The following MRE11 variants were observed in gnomAD, a reference collection of about 807,000 sequenced individuals.
MRE11 encodes double-strand break repair protein MRE11.
A neutral mutation model predicts 91.7 loss-of-function variants in MRE11; 62 were observed. That is an observed-to-expected ratio of 0.68 (90% CI 0.55 to 0.84). The LOEUF is 0.84. Among genes scored for constraint, MRE11 ranks in the 40% least tolerant of loss-of-function variants. The pLI is 0.00. For missense variants in MRE11, 796 were observed against 852.9 expected, an observed-to-expected ratio of 0.93 and a Z score of 0.83; for synonymous variants, 273 against 271.4, an observed-to-expected ratio of 1.01 and a Z score of -0.06.
In MRE11 at chr11:94,415,773, C is replaced by G. The variant is rs1398966327; in HGVS notation, c.*4352G>C. 6.6e-6 allele frequency: 1 copy of G among 152,144 alleles called. No individual in the cohort carries two copies. Among genetic ancestry groups the G allele is most frequent in the Non-Finnish European group, 1.5e-5 (1 of 68,022 alleles). The allele number at this position is 152,144 out of a possible 1,614,324, so 9.4% of individuals were successfully genotyped here. A position where few individuals can be genotyped will look rare whatever the true frequency, so the allele number is the denominator to read the frequency against. ...GAGAACATATACTTTGAAAAGGGGG[C>G]TAAAACATGTAGCTATACAATCTGG... On this transcript the variant is annotated 3_prime_UTR_variant, in exon 20 of 20. Transcript: ENST00000323929.
intron 10 of MRE11, chr11:94,466,670 T>C (rs745522590): frequency 3.6e-6 from 1 of 280,154 alleles, no homozygotes; most frequent in African/African-American, 2.3e-5. Flanking sequence ...CTCTACACTG[T>C]ACTCTTTACC....
In MRE11 at chr11:94,492,822, C is replaced by T; in HGVS notation, c.-21G>A. ...CTCATTTTTATGGTCAGTCAAGCTC[C>T]TCTGGGACCAGGTTCTTCTCCAAGA... is the stretch of plus-strand genomic sequence containing the variant. On this transcript the variant is annotated 5_prime_UTR_variant, in exon 2 of 20. Transcript: ENST00000323929. The T allele has an allele frequency of 6.2e-7, 1 of 1,612,648 alleles. No individual in the cohort carries two copies. Among genetic ancestry groups the T allele is most frequent in the Non-Finnish European group, 8.5e-7 (1 of 1,179,326 alleles).
chr11:94,479,341 C>A (rs1260165774), intron 5 of MRE11, among the ~76,000 whole-genome samples: 1 of 152,090 alleles, frequency 6.6e-6, no homozygotes, highest in African/African-American at 2.4e-5. Context: ...CTTGAACAAT[C>A]ATTTCCTAAA....
At chr11:94,429,656 G>C (rs1236347870) in intron 19 of MRE11, among the ~76,000 whole-genome samples, 2 of 152,176 alleles carry the variant, frequency 1.3e-5, no homozygotes, top group South Asian at 4.1e-4. Flanking sequence ...AGACACTGTG[G>C]ACTACTAGAG....
rs541549187 is a variant in MRE11, at chr11:94,418,985, G to A, written c.*1140C>T. On this transcript the variant is annotated 3_prime_UTR_variant, in exon 20 of 20. Transcript: ENST00000323929. ...TTGTTTCTACCTATGAAGAAATGTC[G>A]GGCCATTGTACTCCCAAGATGTATA... 1.3e-4 allele frequency: 30 copies of A among 230,968 alleles called. No individual in the cohort carries two copies. Among genetic ancestry groups the A allele is most frequent in the African/African-American group, 4.4e-4 (20 of 45,286 alleles). The allele number at this position is 230,968 out of a possible 1,614,324, so 14.3% of individuals were successfully genotyped here.
At chr11:94,460,141 T>A (rs913004528) in intron 12 of MRE11, among the ~76,000 whole-genome samples, 1 of 152,126 alleles carries the variant, frequency 6.6e-6, no homozygotes, top group Admixed American at 6.5e-5. Flanking sequence ...AGTAGGCACC[T>A]CTAGAAGCTG....
intron 7 of MRE11, 146 bp from the exon 8 acceptor site, chr11:94,471,905 T>G: frequency 1.4e-6 from 1 of 694,080 alleles, no homozygotes; most frequent in South Asian, 1.9e-5. Flanking sequence ...ATTGGGAATG[T>G]AAAGATCATC....
chr11:94,437,022 T>C (rs548865474), intron 17 of MRE11, among the ~76,000 whole-genome samples, 155 bp downstream of exon 17: 1 of 152,128 alleles, frequency 6.6e-6, no homozygotes, highest in African/African-American at 2.4e-5. Flanking sequence ...AAAAATCAAA[T>C]CCTAGAAGCC....
At chr11:94,430,709 TC>T (rs1217247302) in intron 18 of MRE11, among the ~76,000 whole-genome samples, 2 of 152,074 alleles carry the variant, frequency 1.3e-5, no homozygotes, top group African/African-American at 2.4e-5. Context: ...GACCTCGTGA[TC>T]CGCCCACCTC....
chr11:94,460,992 C>A lies in MRE11; in HGVS notation c.1270G>T (p.Gly424Ter). The part of the protein sequence containing the change: ...FGKLITKPSE[G>*]TTLRVEDLVK... ...AGATCTTCTACCCTTAAAGTTGTTCCTTCTGAAGGCTTTGTGATAAGTTTC... is the reference window on the plus strand; with the variant it reads ...AGATCTTCTACCCTTAAAGTTGTTCATTCTGAAGGCTTTGTGATAAGTTTC... The change falls in exon 12 of 20, where the codon GGA (glycine) becomes TGA (stop). Residue 424 changes from glycine (G) to a stop codon, truncating the protein, a stop_gained. Transcript: ENST00000323929. LOFTEE classifies it high-confidence loss of function. The A allele has an allele frequency of 1.2e-6, 2 of 1,613,686 alleles. No homozygotes were observed. Among genetic ancestry groups the A allele is most frequent in the Non-Finnish European group, 1.7e-6 (2 of 1,179,950 alleles).
chr11:94,498,248 C>T (rs1947446282), upstream of MRE11: 1 of 1,614,168 alleles, frequency 6.2e-7, no homozygotes, highest in Non-Finnish European at 8.5e-7. Context: ...GACGCCCCTG[C>T]ACAGTGCTTG....
At chr11:94,507,756 T>TA in the MRE11 span, among the ~76,000 whole-genome samples, 1 of 152,348 alleles carries the variant, frequency 6.6e-6, no homozygotes, top group Admixed American at 6.5e-5. Flanking sequence ...GCAATGTTTT[T>TA]ATGTGTGATG....
rs114172861 is a variant in MRE11 at position 94,453,049 on chromosome 11, T to C, written c.1563+3227A>G. Reference sequence around the variant, plus strand: ...TCTGTTTCTATGAATCTGATTACTCTAGGTACCTCATATAAGTAGAGTCAT... The same window carrying C: ...TCTGTTTCTATGAATCTGATTACTCCAGGTACCTCATATAAGTAGAGTCAT... On this transcript the variant is annotated intron_variant, in intron 14 of 19. Coordinates refer to ENST00000323929, the MANE Select transcript of MRE11 (RefSeq NM_005591.4). Among the ~76,000 whole-genome samples the C allele has an allele frequency of 5.8e-3, 877 of 152,332 alleles. 5 individuals are homozygous for C. Among genetic ancestry groups the C allele is most frequent in the African/African-American group, 0.019 (796 of 41,582 alleles).
chr11:94,492,335 A>G (rs374288808), intron 2 of MRE11, among the ~76,000 whole-genome samples: 29 of 152,252 alleles, frequency 1.9e-4, no homozygotes, highest in African/African-American at 5.8e-4. Flanking sequence ...TGATCCCGCT[A>G]GCCTCGGCCT....
At chr11:94,475,688 T>C (rs1469505327) in intron 7 of MRE11, 2 of 453,384 alleles carry the variant, frequency 4.4e-6, no homozygotes, top group Non-Finnish European at 4.4e-6. Flanking sequence ...TTGTATATCC[T>C]GGAAGAACAC....
chr11:94,460,263 A>G (rs866264673), intron 12 of MRE11, among the ~76,000 whole-genome samples: 17 of 152,218 alleles, frequency 1.1e-4, no homozygotes, highest in Admixed American at 4.6e-4. Context: ...ACTGTAAGAT[A>G]ATAAATTTGT....
chr11:94,459,446 GTTCT>G lies in MRE11; in HGVS notation c.1458_1461del (p.Lys486AsnfsTer37), dbSNP rs780775598. The stretch of plus-strand genomic sequence containing the variant: ...TTGTCTTCGAGGGCATCAATATGAC[GTTCT>G]TTAAGAAATCGCTGTGTTTTTTCCA... On this transcript the variant is annotated frameshift_variant, in exon 13 of 20. Coordinates refer to ENST00000323929, the MANE Select transcript of MRE11 (RefSeq NM_005591.4). LOFTEE classifies it high-confidence loss of function. 3.1e-6 allele frequency: 5 copies of G among 1,613,930 alleles called. No individual in the cohort carries two copies. Among genetic ancestry groups the G allele is most frequent in the Middle Eastern group, 3.3e-4 (2 of 6,054 alleles).
At chr11:94,490,580 G>A (rs1947259529) in intron 3 of MRE11, among the ~76,000 whole-genome samples, 1 of 152,176 alleles carries the variant, frequency 6.6e-6, no homozygotes, top group Non-Finnish European at 1.5e-5. Flanking sequence ...AATAGACACT[G>A]CCACAGGATC....
At chr11:94,505,106 TAC>T in the MRE11 span, among the ~76,000 whole-genome samples, 1 of 152,218 alleles carries the variant, frequency 6.6e-6, no homozygotes, top group Non-Finnish European at 1.5e-5. Flanking sequence ...TACATACAAC[TAC>T]GTACAGTACA....
Sources: allele counts gnomAD v4.1 joint callset (sites outside exome capture counted in the v4.1 genomes callset), GRCh38; gene constraint gnomAD v4.1.1; transcripts MANE v1.5; gene names NCBI Gene and HGNC (gene_info 2026-07-23, HGNC 2026-07-21).